Variants in KANSL2 observed in about 807,000 individuals in gnomAD.
KANSL2 encodes the protein NSL complex protein NSL2.
Under a neutral mutation model 55.6 loss-of-function variants are expected in KANSL2, and 34 were observed. That is an observed-to-expected ratio of 0.61 (90% CI 0.46 to 0.81). KANSL2 has a LOEUF of 0.81. Among genes scored for constraint, KANSL2 ranks in the 40% least tolerant of loss-of-function variants. The pLI, the probability that KANSL2 is intolerant of heterozygous loss-of-function variation, is 0.00. For missense variants in KANSL2, 502 were observed against 609.9 expected, an observed-to-expected ratio of 0.82 and a Z score of 1.86; for synonymous variants, 209 against 214.3, an observed-to-expected ratio of 0.98 and a Z score of 0.22.
intron 5 of KANSL2, among the ~76,000 whole-genome samples, chr12:48,669,604 G>A (rs1412287203): frequency 6.6e-6 from 1 of 151,136 alleles, no homozygotes; most frequent in African/African-American, 2.4e-5. Context: ...TGCAAGCTCC[G>A]CCCCCCAGGT....
intron 4 of KANSL2, among the ~76,000 whole-genome samples, chr12:48,674,712 G>C (rs1391622071): frequency 6.6e-6 from 1 of 152,248 alleles, no homozygotes; most frequent in African/African-American, 2.4e-5. Context: ...GATCACTTGA[G>C]GTCAGGAGTT....
At chr12:48,680,276 G>C (rs903080108) in intron 2 of KANSL2, among the ~76,000 whole-genome samples, 3 of 152,070 alleles carry the variant, frequency 2.0e-5, no homozygotes. Flanking sequence ...AGTCTGGTCT[G>C]GAACTCCCAG....
intron 4 of KANSL2, among the ~76,000 whole-genome samples, chr12:48,678,149 A>C (rs1939859163): frequency 6.6e-6 from 1 of 152,234 alleles, no homozygotes; most frequent in African/African-American, 2.4e-5. Flanking sequence ...GTCAATCTAG[A>C]AATTACCCCT....
At chr12:48,655,498 C>T (rs891761281) in intron 8 of KANSL2, among the ~76,000 whole-genome samples, 3 of 151,424 alleles carry the variant, frequency 2.0e-5, no homozygotes, top group African/African-American at 7.3e-5. Context: ...AAGCTTGGGA[C>T]GCAGAGGCTG....
At chr12:48,666,010 C>T (rs1449974348) in intron 7 of KANSL2, among the ~76,000 whole-genome samples, 3 of 151,790 alleles carry the variant, frequency 2.0e-5, no homozygotes, top group Non-Finnish European at 4.4e-5. Context: ...CTCAGAAGTT[C>T]GAGACCAGCC....
At chr12:48,672,421 A>AT (rs1939738586) in intron 4 of KANSL2, among the ~76,000 whole-genome samples, 1 of 113,066 alleles carries the variant, frequency 8.8e-6, no homozygotes, top group Non-Finnish European at 1.9e-5. Flanking sequence ...ATATATATAT[A>AT]TATATATATA....
At position 48,669,275 on chromosome 12, in the gene KANSL2, A is replaced by G; in HGVS notation, c.710-3T>C. 6.5e-7 allele frequency: 1 copy of G among 1,538,012 alleles called. No individual in the cohort carries two copies. Among genetic ancestry groups the G allele is most frequent in the Non-Finnish European group, 8.8e-7 (1 of 1,141,660 alleles). ...TGGGCCAGTCAGGAGACTACTGCCT[A>G]GAGTTACAAGAGTCAAGATGTTATT... is the stretch of plus-strand genomic sequence containing the variant. On this transcript the variant is annotated splice_region_variant and splice_polypyrimidine_tract_variant and intron_variant, in intron 5 of 9. Transcript: ENST00000420613.
intron 5 of KANSL2, among the ~76,000 whole-genome samples, chr12:48,670,120 G>C (rs1267865420): frequency 6.7e-6 from 1 of 150,166 alleles, no homozygotes; most frequent in Non-Finnish European, 1.5e-5. Flanking sequence ...AGAATCGCTT[G>C]AACCCGGGAG....
intron 5 of KANSL2, 62 bp downstream of exon 5, chr12:48,671,737 C>A: frequency 6.7e-7 from 1 of 1,495,654 alleles, no homozygotes; most frequent in South Asian, 1.2e-5. Flanking sequence ...TGACACATGA[C>A]TGTACTACCA....
intron 6 of KANSL2, among the ~76,000 whole-genome samples, chr12:48,668,080 A>T (rs1350087306): frequency 1.3e-5 from 2 of 152,198 alleles, no homozygotes; most frequent in East Asian, 3.8e-4. Flanking sequence ...CCTTAAGTGG[A>T]ATCTCAACAA....
intron 7 of KANSL2, 52 bp downstream of exon 7, chr12:48,667,641 C>G (rs748725835): frequency 6.6e-6 from 9 of 1,366,852 alleles, no homozygotes; most frequent in African/African-American, 1.4e-5. Flanking sequence ...GAGATTCCCA[C>G]TAGTCTTCAA....
At chr12:48,663,185 T>G (rs946571457) in intron 7 of KANSL2, among the ~76,000 whole-genome samples, 1 of 152,230 alleles carries the variant, frequency 6.6e-6, no homozygotes, top group Non-Finnish European at 1.5e-5. Context: ...TGTAAAAATA[T>G]TGGTCTGCAT....
chr12:48,670,874 G>A (rs1446800354), intron 5 of KANSL2, among the ~76,000 whole-genome samples: 1 of 152,146 alleles, frequency 6.6e-6, no homozygotes, highest in Non-Finnish European at 1.5e-5. Context: ...GGCTGAGGCA[G>A]GATAGCCTGA....
intron 6 of KANSL2, 46 bp downstream of exon 6, chr12:48,669,060 T>G: frequency 7.2e-7 from 1 of 1,392,414 alleles, no homozygotes; most frequent in Non-Finnish European, 9.5e-7. Flanking sequence ...ATAAAAACAA[T>G]AAATAAAGTG....
In KANSL2 at chr12:48,671,974, C is replaced by T. The variant is rs765925419; in HGVS notation, c.546-12G>A. The T allele has an allele frequency of 3.9e-6, 6 of 1,548,478 alleles. No homozygotes were observed. Among genetic ancestry groups the T allele is most frequent in the Non-Finnish European group, 5.2e-6 (6 of 1,144,268 alleles). On this transcript the variant is annotated splice_polypyrimidine_tract_variant and intron_variant, in intron 4 of 9. Transcript: ENST00000420613. Reference sequence around the variant, plus strand: ...AGACACCAGCATGTCTGGAATAAAACAGAATTCAGCAAAGCATAAGAAAAC... The same window carrying T: ...AGACACCAGCATGTCTGGAATAAAATAGAATTCAGCAAAGCATAAGAAAAC...
intron 1 of KANSL2, chr12:48,681,936 G>A (rs1479979556): frequency 1.4e-6 from 1 of 703,144 alleles, no homozygotes; most frequent in Admixed American, 2.0e-5. Context: ...CGGCGGCCAC[G>A]CCGCCTCCCC....
In KANSL2 at chr12:48,669,280, T is replaced by C; in HGVS notation, c.710-8A>G. 2 of 1,536,480 alleles carry C rather than the reference T, an allele frequency of 1.3e-6. No individual in the cohort carries two copies. Among genetic ancestry groups the C allele is most frequent in the Non-Finnish European group, 1.8e-6 (2 of 1,140,672 alleles). On this transcript the variant is annotated splice_region_variant and splice_polypyrimidine_tract_variant and intron_variant, in intron 5 of 9. Transcript: ENST00000420613. ...CAGTCAGGAGACTACTGCCTAGAGT[T>C]ACAAGAGTCAAGATGTTATTTGCCA... is the stretch of plus-strand genomic sequence containing the variant.
intron 5 of KANSL2, among the ~76,000 whole-genome samples, chr12:48,670,679 A>G (rs1939696242): frequency 1.3e-5 from 2 of 152,224 alleles, no homozygotes; most frequent in Admixed American, 1.3e-4. Context: ...TTTTAAGTTT[A>G]TAAAGGCCAG....
chr12:48,657,949 G>A (rs1016058586), intron 8 of KANSL2, among the ~76,000 whole-genome samples: 7 of 152,064 alleles, frequency 4.6e-5, no homozygotes, highest in South Asian at 2.1e-4. Context: ...AATTAGCTTG[G>A]AATGGGCACG....
Sources: gnomAD v4.1 joint callset for allele counts (sites outside exome capture counted in the v4.1 genomes callset) on GRCh38, gnomAD v4.1.1 for gene constraint, MANE v1.5 for transcripts, NCBI Gene and HGNC (gene_info 2026-07-23, HGNC 2026-07-21) for gene names.